PTPRD: variants seen among roughly 807,000 people sequenced by gnomAD.
PTPRD encodes the protein protein tyrosine phosphatase receptor type D.
Under a neutral mutation model 214.5 loss-of-function variants are expected in PTPRD, and 34 were observed. That is an observed-to-expected ratio of 0.16 (90% CI 0.12 to 0.21). The LOEUF is 0.21. PTPRD is among the 10% of genes least tolerant of loss of function. The probability of loss-of-function intolerance (pLI) is 1.00; values close to 1 mark genes in which losing one functional copy is unlikely to be tolerated. For synonymous variants in PTPRD, 1,128 were observed against 845.7 expected (o/e 1.33, Z -5.79); for missense variants, 2,545 against 2,398.7 (o/e 1.06, Z -1.27).
chr9:9,977,898 AT>A (rs1297464337), intron 4 of PTPRD, among the ~76,000 whole-genome samples: 1 of 149,978 alleles, frequency 6.7e-6, no homozygotes, highest in Non-Finnish European at 1.5e-5. Flanking sequence ...ATAATATGGC[AT>A]TTGAAAAAAT....
intron 11 of PTPRD, among the ~76,000 whole-genome samples, chr9:8,869,371 C>T (rs1293210471): frequency 6.6e-6 from 1 of 152,150 alleles, no homozygotes; most frequent in African/African-American, 2.4e-5. Flanking sequence ...AGTATCCACA[C>T]TCTATTAGTT....
chr9:8,803,212 C>T (rs918708162), intron 11 of PTPRD, among the ~76,000 whole-genome samples: 1 of 152,126 alleles, frequency 6.6e-6, no homozygotes, highest in African/African-American at 2.4e-5. Flanking sequence ...TGAATGAGTA[C>T]ACACATCTGA....
intron 2 of PTPRD, among the ~76,000 whole-genome samples, chr9:10,436,562 G>T (rs2098719269): frequency 6.6e-6 from 1 of 151,516 alleles, no homozygotes; most frequent in East Asian, 1.9e-4. Context: ...TATATAAAAT[G>T]CACGTATTCT....
rs545534151 is a variant in PTPRD at position 8,427,851 on chromosome 9, G to T, written c.4086+8741C>A. Among the ~76,000 whole-genome samples, 22 of 152,014 alleles carry T rather than the reference G, an allele frequency of 1.4e-4. No homozygotes were observed. The South Asian group carries it at 4.2e-3, about 29-fold the overall frequency. On this transcript the variant is annotated intron_variant, in intron 35 of 45. Transcript: ENST00000381196. Reference sequence around the variant, plus strand: ...TTGATGGCATCGTGCAGTTATAGGGGTGATATCTTTTATTCCTTAGTGGTA... The same window carrying T: ...TTGATGGCATCGTGCAGTTATAGGGTTGATATCTTTTATTCCTTAGTGGTA...
At chr9:9,188,291 G>T (rs1041842303) in intron 9 of PTPRD, among the ~76,000 whole-genome samples, 1 of 151,878 alleles carries the variant, frequency 6.6e-6, no homozygotes, top group Admixed American at 6.6e-5. Context: ...ATGGACATTG[G>T]GTAATTTCCA....
intron 9 of PTPRD, among the ~76,000 whole-genome samples, chr9:9,328,756 C>A (rs2041144953): frequency 6.7e-6 from 1 of 148,914 alleles, no homozygotes; most frequent in Non-Finnish European, 1.5e-5. Flanking sequence ...TGCATCTCAG[C>A]CTCCCCAGTC....
At chr9:10,580,065 T>C (rs1325602540) in intron 2 of PTPRD, among the ~76,000 whole-genome samples, 2 of 152,210 alleles carry the variant, frequency 1.3e-5, no homozygotes, top group East Asian at 1.9e-4. Flanking sequence ...CTCTTTGTTG[T>C]TCTAGCTTAA....
intron 4 of PTPRD, among the ~76,000 whole-genome samples, chr9:9,959,886 G>C (rs970846223): frequency 1.1e-4 from 17 of 152,216 alleles, no homozygotes; most frequent in African/African-American, 3.9e-4. Context: ...CTCATATTTA[G>C]CATAATATAT....
chr9:8,673,438 TTAA>T (rs942509595), intron 12 of PTPRD, among the ~76,000 whole-genome samples: 12 of 152,254 alleles, frequency 7.9e-5, no homozygotes, highest in Non-Finnish European at 1.2e-4. Flanking sequence ...CTATAAATTA[TTAA>T]TAATAACAGT....
At chr9:10,467,029 C>T (rs1444033041) in intron 2 of PTPRD, among the ~76,000 whole-genome samples, 3 of 152,166 alleles carry the variant, frequency 2.0e-5, no homozygotes, top group Non-Finnish European at 2.9e-5. Flanking sequence ...TAGATGATGG[C>T]AACCATCCAT....
chr9:10,096,451 T>A (rs969422058), intron 3 of PTPRD, among the ~76,000 whole-genome samples: 2 of 152,000 alleles, frequency 1.3e-5, no homozygotes, highest in African/African-American at 4.8e-5. Context: ...TGAGATGGTA[T>A]CTCATTGTGG....
chr9:8,843,034 A>T (rs549701400), intron 11 of PTPRD, among the ~76,000 whole-genome samples: 22 of 152,276 alleles, frequency 1.4e-4, no homozygotes, highest in African/African-American at 4.6e-4. Context: ...GTTAAATTAC[A>T]TAATCACCCT....
chr9:10,144,747 A>C (rs1044110485), intron 3 of PTPRD, among the ~76,000 whole-genome samples: 1 of 152,136 alleles, frequency 6.6e-6, no homozygotes, highest in African/African-American at 2.4e-5. Flanking sequence ...ATGGCTGCTG[A>C]AACGATCTGT....
intron 11 of PTPRD, among the ~76,000 whole-genome samples, chr9:8,762,576 A>C (rs1238170606): frequency 6.6e-6 from 1 of 152,168 alleles, no homozygotes; most frequent in Non-Finnish European, 1.5e-5. Flanking sequence ...AAACTAACCT[A>C]TCATGTCACC....
At chr9:9,842,282 T>C (rs7869788) in intron 5 of PTPRD, among the ~76,000 whole-genome samples, 22,655 of 146,832 alleles carry the variant, frequency 0.15, 3,389 homozygotes, top group East Asian at 0.74. Flanking sequence ...AAACTCAAAG[T>C]CTACTGAAGG....
Position 9,150,633 on chromosome 9 carries a change from C to A in PTPRD, c.-143+32671G>T, listed in dbSNP as rs983703271. On this transcript the variant is annotated intron_variant, in intron 10 of 45. Coordinates refer to ENST00000381196, the MANE Select transcript of PTPRD (RefSeq NM_002839.4). ...CTCTGGGATTACAGGTGCCTGCCCC[C>A]ATGCCCAGCTAATTTTTGTATTTTC... 1.3e-5 allele frequency among the ~76,000 whole-genome samples: 2 copies of A among 151,796 alleles called. 1 individual carries two copies. The highest frequency in any genetic ancestry group is 1.3e-4 in the Admixed American group (2 of 15,204).
At chr9:9,528,115 G>T (rs753056574) in intron 8 of PTPRD, among the ~76,000 whole-genome samples, 20 of 152,298 alleles carry the variant, frequency 1.3e-4, no homozygotes, top group Admixed American at 9.2e-4. Context: ...GAGAGTGAAG[G>T]AAACTAGATT....
intron 8 of PTPRD, among the ~76,000 whole-genome samples, chr9:9,429,579 C>G (rs966125570): frequency 1.3e-5 from 2 of 152,130 alleles, no homozygotes; most frequent in Admixed American, 6.5e-5. Flanking sequence ...GATACCAAAG[C>G]CTGGCAGAGA....
intron 7 of PTPRD, among the ~76,000 whole-genome samples, chr9:9,579,447 A>G (rs2090061193): frequency 6.6e-6 from 1 of 152,070 alleles, no homozygotes; most frequent in Non-Finnish European, 1.5e-5. Context: ...AATTTTTAAG[A>G]TCTGGGGTAC....
Sources: gnomAD v4.1 joint callset for allele counts (sites outside exome capture counted in the v4.1 genomes callset) on GRCh38, gnomAD v4.1.1 for gene constraint, MANE v1.5 for transcripts, NCBI Gene and HGNC (gene_info 2026-07-23, HGNC 2026-07-21) for gene names.